The following PCDH9 variants were observed in gnomAD, a reference collection of about 807,000 sequenced individuals.
PCDH9 encodes the protein protocadherin 9.
In PCDH9, 24 loss-of-function variants were observed where a neutral mutation model predicts 70.6. The ratio of observed to expected loss-of-function variants is 0.34; its 90% CI spans 0.25 to 0.48. The LOEUF (loss-of-function observed/expected upper bound fraction) is 0.48. Ranked by LOEUF, PCDH9 falls within the 20% of genes least tolerant of loss-of-function variation. The probability of loss-of-function intolerance (pLI) is 0.99; values close to 1 mark genes in which losing one functional copy is unlikely to be tolerated. For missense variants in PCDH9, 1,281 were observed against 1,503.6 expected, an observed-to-expected ratio of 0.85 and a Z score of 2.45; for synonymous variants, 562 against 558.5, an observed-to-expected ratio of 1.01 and a Z score of -0.09.
chr13:66,550,904 C>G (rs946968622), intron 4 of PCDH9, among the ~76,000 whole-genome samples: 1 of 152,120 alleles, frequency 6.6e-6, no homozygotes, highest in Non-Finnish European at 1.5e-5. Flanking sequence ...ACAAATGATA[C>G]TCTAGACTAA....
intron 4 of PCDH9, among the ~76,000 whole-genome samples, chr13:66,626,359 G>T (rs1444091284): frequency 2.0e-5 from 3 of 152,176 alleles, no homozygotes; most frequent in Non-Finnish European, 4.4e-5. Context: ...AATGATCCAT[G>T]CTGTCCATCT....
intron 2 of PCDH9, among the ~76,000 whole-genome samples, chr13:66,972,635 T>A (rs536154002): frequency 1.1e-3 from 172 of 152,026 alleles, no homozygotes; most frequent in Non-Finnish European, 1.8e-3. Flanking sequence ...CTGAAATAAC[T>A]AATTTGTGGC....
chr13:66,537,915 T>C (rs1429440972), intron 4 of PCDH9, among the ~76,000 whole-genome samples: 1 of 152,128 alleles, frequency 6.6e-6, no homozygotes, highest in African/African-American at 2.4e-5. Flanking sequence ...AAGTAATTTA[T>C]TGTGGATTGT....
At chr13:66,989,135 T>A (rs924232815) in intron 2 of PCDH9, among the ~76,000 whole-genome samples, 1 of 151,948 alleles carries the variant, frequency 6.6e-6, no homozygotes, top group East Asian at 1.9e-4. Flanking sequence ...TTCCCAACCA[T>A]GGTGAATAAG....
intron 3 of PCDH9, among the ~76,000 whole-genome samples, chr13:66,772,472 C>T (rs191997477): frequency 1.4e-4 from 22 of 152,212 alleles, no homozygotes; most frequent in Non-Finnish European, 2.5e-4. Flanking sequence ...CAAATGAAAG[C>T]TGTGTGTTAT....
rs1415001060 is a variant in PCDH9 at position 66,713,621 on chromosome 13, G to GTCTATATATA, written c.3139-82211_3139-82210insTATATATAGA. On this transcript the variant is annotated intron_variant, in intron 3 of 4. Coordinates refer to ENST00000377865, the MANE Select transcript of PCDH9 (RefSeq NM_203487.3). ...GTGTATATATATATAAAGTGTGTGT[G>GTCTATATATA]TGTGTATATATATATATATATATAT... Among the ~76,000 whole-genome samples, 31 of 16,914 alleles carry GTCTATATATA rather than the reference G, an allele frequency of 1.8e-3. No homozygotes were observed. In the South Asian group the frequency reaches 0.095, roughly 52 times the overall value. The allele number at this position is 16,914 out of a possible 152,430, so 11.1% of individuals were successfully genotyped here.
At chr13:66,800,351 T>C (rs1212164465) in intron 3 of PCDH9, among the ~76,000 whole-genome samples, 1 of 152,156 alleles carries the variant, frequency 6.6e-6, no homozygotes, top group Non-Finnish European at 1.5e-5. Context: ...AAACAATTCC[T>C]ACCTATTCAA....
chr13:66,303,752 C>A lies in PCDH9; in HGVS notation c.*903G>T. ...TACTAATTAAGTGATTTTGCTTTTG[C>A]CTACTTTGAAAATAAGATGATAAAA... is the stretch of plus-strand genomic sequence containing the variant. On this transcript the variant is annotated 3_prime_UTR_variant, in exon 5 of 5. Transcript: ENST00000377865. The A allele has an allele frequency of 6.6e-6, 1 of 152,212 alleles. No individual in the cohort carries two copies. Among genetic ancestry groups the A allele is most frequent in the East Asian group, 1.9e-4 (1 of 5,176 alleles). 9.4% of individuals were successfully genotyped at this position (152,212 alleles called of 1,614,324 possible).
chr13:66,453,996 T>C (rs184752389), intron 4 of PCDH9, among the ~76,000 whole-genome samples: 2 of 152,206 alleles, frequency 1.3e-5, no homozygotes, highest in Admixed American at 1.3e-4. Flanking sequence ...AGTAACTCTT[T>C]TACTTTTGAA....
intron 3 of PCDH9, among the ~76,000 whole-genome samples, chr13:66,684,382 G>A (rs373313276): frequency 6.6e-6 from 1 of 152,278 alleles, no homozygotes; most frequent in Admixed American, 6.5e-5. Context: ...GTCATCTGAT[G>A]TGGTTTAGCT....
intron 3 of PCDH9, among the ~76,000 whole-genome samples, chr13:66,643,507 C>G (rs1428801204): frequency 6.6e-6 from 1 of 152,012 alleles, no homozygotes. Context: ...TGCCCTATGG[C>G]TTTTTAGTTA....
At chr13:67,022,674 C>T (rs1466733786) in intron 2 of PCDH9, among the ~76,000 whole-genome samples, 1 of 152,180 alleles carries the variant, frequency 6.6e-6, no homozygotes, top group Admixed American at 6.5e-5. Context: ...TTCCAGTGTT[C>T]AGTCACATTT....
chr13:67,138,648 C>A (rs988731038), intron 2 of PCDH9, among the ~76,000 whole-genome samples: 1 of 152,122 alleles, frequency 6.6e-6, no homozygotes, highest in East Asian at 1.9e-4. Flanking sequence ...TGTAATGGGG[C>A]CTTTTGAGCT....
intron 2 of PCDH9, among the ~76,000 whole-genome samples, chr13:66,930,809 A>G (rs1376352252): frequency 6.6e-6 from 1 of 152,102 alleles, no homozygotes; most frequent in East Asian, 1.9e-4. Flanking sequence ...ACATTTTCTG[A>G]CCCACCGAAA....
chr13:66,822,176 C>G (rs2080724071), intron 3 of PCDH9, among the ~76,000 whole-genome samples: 1 of 150,258 alleles, frequency 6.7e-6, no homozygotes, highest in Non-Finnish European at 1.5e-5. Context: ...ATAGACATAA[C>G]TACTAAGATT....
chr13:66,871,835 C>A (rs188000187), intron 3 of PCDH9, among the ~76,000 whole-genome samples: 16 of 152,004 alleles, frequency 1.1e-4, no homozygotes, highest in African/African-American at 1.5e-4. Context: ...TACCACCCCC[C>A]CCTCAACATT....
At chr13:66,560,496 T>G (rs1228393434) in intron 4 of PCDH9, among the ~76,000 whole-genome samples, 1 of 152,208 alleles carries the variant, frequency 6.6e-6, no homozygotes, top group Non-Finnish European at 1.5e-5. Flanking sequence ...CATGTGTGTT[T>G]TCTGTATCAC....
rs373769949 is a variant in PCDH9, at chr13:67,105,545, CT to C, written c.3036+119859del. ...AACATGCCTGTGAAATAAATGTGTG[CT>C]TTTTTTCTTTACTCAATTTAGAAAA... On this transcript the variant is annotated intron_variant, in intron 2 of 4. Coordinates refer to ENST00000377865, the MANE Select transcript of PCDH9 (RefSeq NM_203487.3). Among the ~76,000 whole-genome samples the C allele has an allele frequency of 1.3e-3, 197 of 151,992 alleles. No homozygotes were observed. In the Middle Eastern group the frequency reaches 0.014, roughly 11 times the overall value.
At chr13:66,732,656 T>A (rs9571639) in intron 3 of PCDH9, among the ~76,000 whole-genome samples, 43,042 of 151,994 alleles carry the variant, frequency 0.28, 6,646 homozygotes, top group East Asian at 0.45. Flanking sequence ...GCTGCTTTTT[T>A]AAATTTCTGC....
Sources: gnomAD v4.1 joint callset for allele counts (sites outside exome capture counted in the v4.1 genomes callset) on GRCh38, gnomAD v4.1.1 for gene constraint, MANE v1.5 for transcripts, NCBI Gene and HGNC (gene_info 2026-07-23, HGNC 2026-07-21) for gene names.